The following ACSS3 variants were observed in gnomAD, a reference collection of about 807,000 sequenced individuals.
ACSS3 encodes acyl-CoA synthetase short chain family member 3.
A neutral mutation model predicts 84.2 loss-of-function variants in ACSS3; 64 were observed. The ratio of observed to expected loss-of-function variants is 0.76; its 90% CI spans 0.62 to 0.94. The LOEUF (loss-of-function observed/expected upper bound fraction) is 0.94. Ranked by LOEUF, ACSS3 falls within the 40% of genes least tolerant of loss-of-function variation. The pLI, the probability that ACSS3 is intolerant of heterozygous loss-of-function variation, is 0.00. For synonymous variants in ACSS3, 317 were observed against 310.1 expected (o/e 1.02, Z -0.23); for missense variants, 815 against 867.6 (o/e 0.94, Z 0.76).
At chr12:81,213,851 C>CTCTCCTCTCCTCTCCTCTCT (rs796395158) in intron 9 of ACSS3, among the ~76,000 whole-genome samples, 21 of 60,808 alleles carry the variant, frequency 3.5e-4, no homozygotes, top group Admixed American at 4.2e-4. Context: ...CTCTCCTCTC[C>CTCTCCTCTCCTCTCCTCTCT]TCTCTTCTCT....
intron 8 of ACSS3, among the ~76,000 whole-genome samples, chr12:81,179,309 C>CA (rs371028485): frequency 0.45 from 54,659 of 120,682 alleles, 11,356 homozygotes; most frequent in Middle Eastern, 0.54. Flanking sequence ...AAAAAAAACA[C>CA]AAAAAAAACC....
At chr12:81,178,524 T>TA (rs1319625351) in intron 8 of ACSS3, among the ~76,000 whole-genome samples, 1 of 151,290 alleles carries the variant, frequency 6.6e-6, no homozygotes, top group Non-Finnish European at 1.5e-5. Context: ...GAGAGCCAAA[T>TA]AAAAAATGCC....
At chr12:81,095,899 A>G (rs770014901) in intron 1 of ACSS3, among the ~76,000 whole-genome samples, 1 of 152,212 alleles carries the variant, frequency 6.6e-6, no homozygotes, top group Non-Finnish European at 1.5e-5. Context: ...TCTCTGTTAA[A>G]ATAATTATCT....
intron 5 of ACSS3, among the ~76,000 whole-genome samples, chr12:81,145,748 A>G (rs965623000): frequency 1.3e-5 from 2 of 152,192 alleles, no homozygotes; most frequent in African/African-American, 4.8e-5. Context: ...TGACATACTC[A>G]TCATGATGTG....
intron 15 of ACSS3, 30 bp from the exon 16 acceptor site, chr12:81,254,827 G>C: frequency 6.5e-7 from 1 of 1,546,592 alleles, no homozygotes; most frequent in Non-Finnish European, 8.9e-7. Context: ...TCAAGGAAGA[G>C]TATTCACCTG....
intron 8 of ACSS3, among the ~76,000 whole-genome samples, chr12:81,177,049 T>A (rs2030537296): frequency 1.3e-5 from 2 of 152,016 alleles, no homozygotes; most frequent in Admixed American, 6.6e-5. Context: ...CACATAAAAA[T>A]AACTAAAAAC....
rs183810057 is a variant in ACSS3 at position 81,134,020 on chromosome 12, T to C, written c.457-796T>C. ...CTGTTTTGTCTTTATTGCTAGAAAG[T>C]ACAAAAACATGTTACGGGGAAGAGA... On this transcript the variant is annotated intron_variant, in intron 2 of 15. Transcript: ENST00000548058. 2.0e-4 allele frequency among the ~76,000 whole-genome samples: 30 copies of C among 151,294 alleles called. 1 individual carries two copies. In the South Asian group the frequency reaches 4.2e-3, roughly 21 times the overall value.
intron 8 of ACSS3, among the ~76,000 whole-genome samples, chr12:81,175,273 G>A (rs1194742901): frequency 2.6e-5 from 4 of 152,114 alleles, no homozygotes; most frequent in African/African-American, 4.8e-5. Flanking sequence ...ACTAACATCT[G>A]CCTTTTGAAA....
intron 1 of ACSS3, among the ~76,000 whole-genome samples, chr12:81,084,760 A>C (rs1881207826): frequency 6.6e-6 from 1 of 152,216 alleles, no homozygotes; most frequent in African/African-American, 2.4e-5. Flanking sequence ...TAAAGGAGAG[A>C]AAAGATAAAA....
At chr12:81,107,509 T>TATACACAC (rs1362047939) in intron 1 of ACSS3, among the ~76,000 whole-genome samples, 4 of 29,950 alleles carry the variant, frequency 1.3e-4, no homozygotes, top group African/African-American at 3.7e-4. Context: ...TACAAATATA[T>TATACACAC]ACATATATAT....
chr12:81,151,923 A>G lies in ACSS3; in HGVS notation c.1001A>G (p.Glu334Gly). ...TCCATATACGGACTTCAACCCGGAG[A>G]GGTAATCGTGGTTTTAAATTTACAT... Reference protein sequence around the residue: ...MSSIYGLQPGEVWWAASDLGW... With the variant: ...MSSIYGLQPGGVWWAASDLGW... The change falls in exon 6 of 16, where the codon GAG (glutamate) becomes GGG (glycine). Residue 334 changes from glutamate (E) to glycine (G), a missense_variant and splice_region_variant. Physicochemically the swap from Glu to Gly is moderately conservative, Grantham distance 98 (BLOSUM62 -2). Transcript: ENST00000548058. 6.2e-7 allele frequency: 1 copy of G among 1,613,744 alleles called. No individual in the cohort carries two copies. Among genetic ancestry groups the G allele is most frequent in the Non-Finnish European group, 8.5e-7 (1 of 1,179,852 alleles).
At chr12:81,103,385 GAGTC>G (rs1882692271) in intron 1 of ACSS3, among the ~76,000 whole-genome samples, 1 of 152,188 alleles carries the variant, frequency 6.6e-6, no homozygotes, top group Non-Finnish European at 1.5e-5. Context: ...GAACAGTAGA[GAGTC>G]AGCACATAGA....
intron 11 of ACSS3, among the ~76,000 whole-genome samples, chr12:81,225,819 C>T (rs1338592262): frequency 1.3e-5 from 2 of 151,752 alleles, no homozygotes; most frequent in Non-Finnish European, 1.5e-5. Flanking sequence ...AAATATTGAT[C>T]GAAGGAAGAA....
chr12:81,078,108 G>A lies in ACSS3; in HGVS notation c.-13G>A. 2 of 1,463,910 alleles carry A rather than the reference G, an allele frequency of 1.4e-6. No homozygotes were observed. Among genetic ancestry groups the A allele is most frequent in the Non-Finnish European group, 1.8e-6 (2 of 1,109,370 alleles). 90.7% of individuals were successfully genotyped at this position (1,463,910 alleles called of 1,614,324 possible). A position where few individuals can be genotyped will look rare whatever the true frequency, so the allele number is the denominator to read the frequency against. On this transcript the variant is annotated 5_prime_UTR_variant, in exon 1 of 16. In the 5' UTR this introduces an upstream ATG that the reference lacks. Coordinates refer to ENST00000548058, the MANE Select transcript of ACSS3 (RefSeq NM_024560.4). ...TTTGTCGCACACTCGGGGACCGCGG[G>A]TGGCCGGAGGAGATGAAACCGTCTT...
At chr12:81,082,143 T>C (rs1349453626) in intron 1 of ACSS3, among the ~76,000 whole-genome samples, 1 of 152,202 alleles carries the variant, frequency 6.6e-6, no homozygotes, top group Non-Finnish European at 1.5e-5. Flanking sequence ...ATGTTAAGAT[T>C]TGGGCTTCCA....
rs952174743 is a variant in ACSS3, at chr12:81,260,035, T to G, written c.*5113T>G. The G allele has an allele frequency of 6.1e-6, 1 of 164,010 alleles. No homozygotes were observed. Among genetic ancestry groups the G allele is most frequent in the Non-Finnish European group, 1.3e-5 (1 of 76,064 alleles). 10.2% of individuals were successfully genotyped at this position (164,010 alleles called of 1,614,324 possible). ...ATATTCTAGTTCATATATTTTAGAG[T>G]TCTTAAAAAATACCTTTATTTGTTA... On this transcript the variant is annotated 3_prime_UTR_variant, in exon 16 of 16. Coordinates refer to ENST00000548058, the MANE Select transcript of ACSS3 (RefSeq NM_024560.4).
In ACSS3 at chr12:81,257,914, C is replaced by G. The variant is rs1377581115; in HGVS notation, c.*2992C>G. On this transcript the variant is annotated 3_prime_UTR_variant, in exon 16 of 16. Coordinates refer to ENST00000548058, the MANE Select transcript of ACSS3 (RefSeq NM_024560.4). The stretch of plus-strand genomic sequence containing the variant: ...TATTATAGATGATTAATCTTTCTAA[C>G]TTGATCTTTAAAAGAAAGAAATTGA... 1 of 152,032 alleles carries G rather than the reference C, an allele frequency of 6.6e-6. No individual in the cohort carries two copies. The highest frequency in any genetic ancestry group is 2.4e-5 in the African/African-American group (1 of 41,410). The allele number at this position is 152,032 out of a possible 1,614,324, so 9.4% of individuals were successfully genotyped here.
At chr12:81,206,275 A>G (rs1225699000) in intron 9 of ACSS3, among the ~76,000 whole-genome samples, 1 of 152,078 alleles carries the variant, frequency 6.6e-6, no homozygotes, top group Non-Finnish European at 1.5e-5. Flanking sequence ...TAATGGATTG[A>G]GCTAGTGTGA....
chr12:81,138,167 A>C (rs534998068), intron 3 of ACSS3, among the ~76,000 whole-genome samples: 1 of 152,316 alleles, frequency 6.6e-6, no homozygotes, highest in South Asian at 2.1e-4. Context: ...CCTTCCGAAT[A>C]ATTTATTATG....
Sources: gnomAD v4.1 joint callset for allele counts (sites outside exome capture counted in the v4.1 genomes callset) on GRCh38, gnomAD v4.1.1 for gene constraint, MANE v1.5 for transcripts, NCBI Gene and HGNC (gene_info 2026-07-23, HGNC 2026-07-21) for gene names.